IGSF11: variants seen among roughly 807,000 people sequenced by gnomAD.
IGSF11 encodes CXADR like 1.
In IGSF11, 22 loss-of-function variants were observed where a neutral mutation model predicts 41.0. The observed-to-expected ratio is 0.54, with a 90% CI of 0.38 to 0.77. The LOEUF is 0.77. Ranked by LOEUF, IGSF11 falls within the 30% of genes least tolerant of loss-of-function variation. The pLI, the probability that IGSF11 is intolerant of heterozygous loss-of-function variation, is 0.00. For synonymous variants in IGSF11, 219 were observed against 201.3 expected (o/e 1.09, Z -0.74); for missense variants, 444 against 530.8 (o/e 0.84, Z 1.61).
intron 4 of IGSF11, among the ~76,000 whole-genome samples, chr3:118,921,797 A>G (rs956743079): frequency 1.3e-5 from 2 of 152,134 alleles, no homozygotes; most frequent in Non-Finnish European, 2.9e-5. Context: ...CATTTTCCAG[A>G]AAAATAGGGT....
rs199829577 is a variant in IGSF11, at chr3:119,022,961, GA to G, written c.52+11569del. Among the ~76,000 whole-genome samples the G allele has an allele frequency of 2.0e-3, 294 of 146,202 alleles. 3 individuals are homozygous for G. The highest frequency in any genetic ancestry group is 3.5e-3 in the Middle Eastern group (1 of 282). On this transcript the variant is annotated intron_variant, in intron 1 of 6. Transcript: ENST00000393775. ...CATTATTCATTGTAGGCCAAAACTA[GA>G]AAAAAAAAAATGTCTTTGGCTGAGC...
intron 1 of IGSF11, among the ~76,000 whole-genome samples, chr3:119,142,134 G>T (rs1462941764): frequency 6.6e-6 from 1 of 151,976 alleles, no homozygotes; most frequent in African/African-American, 2.4e-5. Flanking sequence ...AATTAGCTGG[G>T]CATGGTGGCG....
intron 1 of IGSF11, among the ~76,000 whole-genome samples, chr3:118,995,021 G>A (rs1224390091): frequency 2.0e-5 from 3 of 152,116 alleles, no homozygotes; most frequent in Non-Finnish European, 4.4e-5. Flanking sequence ...AAAATTAAGC[G>A]TCATGCAAAA....
chr3:119,110,412 C>T (rs1379177964), intron 1 of IGSF11, among the ~76,000 whole-genome samples: 3 of 152,204 alleles, frequency 2.0e-5, no homozygotes, highest in South Asian at 2.1e-4. Flanking sequence ...AGGATTACAA[C>T]CCCTGCCTTT....
chr3:119,139,208 A>G (rs1392971988), intron 1 of IGSF11, among the ~76,000 whole-genome samples: 1 of 152,218 alleles, frequency 6.6e-6, no homozygotes, highest in Middle Eastern at 3.2e-3. Context: ...TTTCCCGGTA[A>G]ATAAAAACGG....
At chr3:118,954,634 C>T (rs1944820425) in intron 1 of IGSF11, among the ~76,000 whole-genome samples, 1 of 152,130 alleles carries the variant, frequency 6.6e-6, no homozygotes, top group Non-Finnish European at 1.5e-5. Flanking sequence ...AGAGGAATCA[C>T]TCTCTATGGC....
At chr3:119,146,005 G>A in exon 1 of IGSF11, 2 of 592,072 alleles carry the variant, frequency 3.4e-6, no homozygotes, top group South Asian at 4.1e-5. Flanking sequence ...CCTGCACACT[G>A]CAGGGTCAGC....
At chr3:119,029,736 T>C (rs1417025639) in intron 1 of IGSF11, among the ~76,000 whole-genome samples, 1 of 152,240 alleles carries the variant, frequency 6.6e-6, no homozygotes, top group Non-Finnish European at 1.5e-5. Context: ...CTGTTCTGTT[T>C]CCATTGTTGG....
At chr3:119,064,708 G>C (rs564107185) in intron 1 of IGSF11, among the ~76,000 whole-genome samples, 1 of 151,604 alleles carries the variant, frequency 6.6e-6, no homozygotes, top group South Asian at 2.1e-4. Flanking sequence ...TTCATTTCTC[G>C]CAATAATATT....
chr3:119,106,034 G>C (rs1160301175), upstream of IGSF11, among the ~76,000 whole-genome samples: 1 of 152,032 alleles, frequency 6.6e-6, no homozygotes, highest in Non-Finnish European at 1.5e-5. Flanking sequence ...AGAGCAAAGG[G>C]ATCACACATT....
chr3:118,972,882 TAAATG>T (rs1286464178), intron 1 of IGSF11, among the ~76,000 whole-genome samples: 1 of 152,134 alleles, frequency 6.6e-6, no homozygotes, highest in Admixed American at 6.5e-5. Flanking sequence ...GGCCACACCA[TAAATG>T]AATAGAGTTG....
intron 1 of IGSF11, among the ~76,000 whole-genome samples, chr3:118,985,681 A>G (rs963801604): frequency 6.6e-6 from 1 of 152,210 alleles, no homozygotes; most frequent in African/African-American, 2.4e-5. Context: ...TTCATCCTTT[A>G]CAATGAAACT....
chr3:118,912,902 G>A (rs191264634), intron 4 of IGSF11, among the ~76,000 whole-genome samples: 1 of 152,296 alleles, frequency 6.6e-6, no homozygotes, highest in African/African-American at 2.4e-5. Flanking sequence ...GGGAGGCTGA[G>A]GTAGGAGGAT....
intron 1 of IGSF11, among the ~76,000 whole-genome samples, chr3:119,080,197 C>A (rs1644336639): frequency 6.6e-6 from 1 of 152,096 alleles, no homozygotes; most frequent in South Asian, 2.1e-4. Flanking sequence ...AGCTGAAACC[C>A]CTAGAAGAAT....
At chr3:118,945,301 A>G (rs1409826054) in intron 1 of IGSF11, among the ~76,000 whole-genome samples, 1 of 152,052 alleles carries the variant, frequency 6.6e-6, no homozygotes, top group African/African-American at 2.4e-5. Flanking sequence ...TTGTGGTCAT[A>G]CTCTTATTTT....
intron 1 of IGSF11, among the ~76,000 whole-genome samples, chr3:118,957,306 G>C (rs1945032155): frequency 1.3e-5 from 2 of 152,154 alleles, no homozygotes; most frequent in Admixed American, 6.5e-5. Context: ...ATCTCAGCTA[G>C]AAAGACCCCA....
intron 4 of IGSF11, among the ~76,000 whole-genome samples, chr3:118,921,149 T>G (rs1941741976): frequency 6.6e-6 from 1 of 152,210 alleles, no homozygotes; most frequent in Non-Finnish European, 1.5e-5. Context: ...CTGATCTAAT[T>G]TTTCCCCACA....
chr3:119,017,402 A>G (rs1160788926), intron 1 of IGSF11, among the ~76,000 whole-genome samples: 1 of 152,258 alleles, frequency 6.6e-6, no homozygotes, highest in Non-Finnish European at 1.5e-5. Flanking sequence ...GTATCTAAAC[A>G]TATTTAACAC....
chr3:118,993,395 T>C (rs1326816097), intron 1 of IGSF11, among the ~76,000 whole-genome samples: 6 of 152,320 alleles, frequency 3.9e-5, no homozygotes, highest in Admixed American at 2.0e-4. Flanking sequence ...AAACTGGAGC[T>C]TTCAGACAAT....
Sources: gnomAD v4.1 joint callset for allele counts (sites outside exome capture counted in the v4.1 genomes callset) on GRCh38, gnomAD v4.1.1 for gene constraint, MANE v1.5 for transcripts, NCBI Gene and HGNC (gene_info 2026-07-23, HGNC 2026-07-21) for gene names.